Variants in NT5C3A observed in about 807,000 individuals in gnomAD.
NT5C3A encodes cytosolic 5'-nucleotidase 3A.
Under a neutral mutation model 40.0 loss-of-function variants are expected in NT5C3A, and 23 were observed. The ratio of observed to expected loss-of-function variants is 0.58; its 90% CI spans 0.41 to 0.81. The LOEUF is 0.81. Among genes scored for constraint, NT5C3A ranks in the 40% least tolerant of loss-of-function variants. The pLI, the probability that NT5C3A is intolerant of heterozygous loss-of-function variation, is 0.00. For synonymous variants in NT5C3A, 130 were observed against 141.4 expected, an observed-to-expected ratio of 0.92 and a Z score of 0.57; for missense variants, 328 against 403.0, an observed-to-expected ratio of 0.81 and a Z score of 1.59.
chr7:33,047,052 T>C lies in NT5C3A; in HGVS notation c.138+15516A>G, dbSNP rs190635506. On this transcript the variant is annotated intron_variant, in intron 1 of 8. Transcript: ENST00000610140. ...GAACTCCTATGCTCAAGCGATCCTC[T>C]CACCTCAGCCTCCCGAATCTTTTTA... Among the ~76,000 whole-genome samples the C allele has an allele frequency of 1.8e-4, 28 of 151,532 alleles. No individual in the cohort carries two copies. The East Asian group carries it at 5.4e-3, about 29-fold the overall frequency.
chr7:33,028,567 T>C (rs1786074019), intron 1 of NT5C3A, among the ~76,000 whole-genome samples: 1 of 152,240 alleles, frequency 6.6e-6, no homozygotes, highest in Non-Finnish European at 1.5e-5. Context: ...GGGTATGTTA[T>C]TAGTAATATT....
At chr7:33,034,040 G>A (rs1309386747) in intron 1 of NT5C3A, among the ~76,000 whole-genome samples, 9 of 151,334 alleles carry the variant, frequency 5.9e-5, no homozygotes, top group South Asian at 4.2e-4. Context: ...ACAGGTGCCC[G>A]CCACCACGCC....
At chr7:33,018,833 CA>C (rs1229517488) in intron 6 of NT5C3A, among the ~76,000 whole-genome samples, 8 of 123,994 alleles carry the variant, frequency 6.5e-5, no homozygotes, top group Admixed American at 8.4e-5. Flanking sequence ...GACTCCATCT[CA>C]AAAAAAAAAG....
intron 1 of NT5C3A, among the ~76,000 whole-genome samples, chr7:33,051,762 A>C (rs1306363886): frequency 6.6e-6 from 1 of 152,164 alleles, no homozygotes; most frequent in African/African-American, 2.4e-5. Flanking sequence ...GTTTAATTGT[A>C]TCAAAACACA....
chr7:33,055,151 C>G (rs1787521668), intron 1 of NT5C3A, among the ~76,000 whole-genome samples: 1 of 152,096 alleles, frequency 6.6e-6, no homozygotes, highest in Non-Finnish European at 1.5e-5. Flanking sequence ...ATGGAGAAAC[C>G]TCATCTCTCC....
At chr7:33,024,242 A>C (rs1181636111) in intron 2 of NT5C3A, 134 bp from the exon 3 acceptor site, 1 of 675,168 alleles carries the variant, frequency 1.5e-6, no homozygotes, top group Non-Finnish European at 2.7e-6. Flanking sequence ...CCACACTGTT[A>C]ACTTATTCTC....
intron 1 of NT5C3A, 76 bp downstream of exon 1, chr7:33,062,492 G>T: frequency 7.3e-7 from 1 of 1,366,414 alleles, no homozygotes. Flanking sequence ...CAGCGGCCCA[G>T]CACAGGCTGC....
intron 1 of NT5C3A, among the ~76,000 whole-genome samples, chr7:33,057,421 G>A (rs1289525216): frequency 6.6e-6 from 1 of 152,066 alleles, no homozygotes; most frequent in Non-Finnish European, 1.5e-5. Flanking sequence ...TACTCTGAAG[G>A]CGAGATGGGA....
At chr7:33,045,028 A>G (rs1305039336) in intron 1 of NT5C3A, among the ~76,000 whole-genome samples, 1 of 152,264 alleles carries the variant, frequency 6.6e-6, no homozygotes, top group African/African-American at 2.4e-5. Context: ...CTACTAATTT[A>G]CAGTTGGGCT....
At chr7:33,050,831 C>T (rs1364962587) in intron 1 of NT5C3A, among the ~76,000 whole-genome samples, 1 of 152,176 alleles carries the variant, frequency 6.6e-6, no homozygotes, top group African/African-American at 2.4e-5. Flanking sequence ...GTTTAAGCAA[C>T]TCTGAGAGTT....
At chr7:33,058,359 TA>T in intron 1 of NT5C3A, among the ~76,000 whole-genome samples, 1 of 152,114 alleles carries the variant, frequency 6.6e-6, no homozygotes, top group Non-Finnish European at 1.5e-5. Context: ...TATTTTATTT[TA>T]TTTTGAGATG....
intron 5 of NT5C3A, among the ~76,000 whole-genome samples, chr7:33,020,535 AGAGTT>A (rs1487556962): frequency 2.6e-5 from 4 of 152,314 alleles, no homozygotes; most frequent in Non-Finnish European, 4.4e-5. Context: ...ACCAGTTTGT[AGAGTT>A]AAGTCTAATA....
chr7:33,032,115 ACT>A (rs1786299636), intron 1 of NT5C3A, among the ~76,000 whole-genome samples: 1 of 146,410 alleles, frequency 6.8e-6, no homozygotes, highest in Admixed American at 6.9e-5. Context: ...ACAGAGCGAG[ACT>A]CTGTCTCAAA....
intron 1 of NT5C3A, among the ~76,000 whole-genome samples, chr7:33,043,554 G>A (rs552725567): frequency 7.9e-5 from 12 of 152,104 alleles, no homozygotes; most frequent in Non-Finnish European, 7.4e-5. Flanking sequence ...CAGCTTTGTC[G>A]GCTCCAAAAC....
chr7:33,056,637 A>C (rs963085363), intron 1 of NT5C3A, among the ~76,000 whole-genome samples: 1 of 151,844 alleles, frequency 6.6e-6, no homozygotes. Context: ...GCTTCATTGC[A>C]CTCCAGCCTG....
chr7:33,024,934 G>A (rs765981192), intron 2 of NT5C3A, among the ~76,000 whole-genome samples: 3 of 152,102 alleles, frequency 2.0e-5, no homozygotes, highest in African/African-American at 7.2e-5. Context: ...GAGGTCAGGA[G>A]TTTGAGATCA....
chr7:33,031,560 C>G (rs1786258365), intron 1 of NT5C3A, among the ~76,000 whole-genome samples: 1 of 151,846 alleles, frequency 6.6e-6, no homozygotes, highest in Admixed American at 6.6e-5. Context: ...GCACTCCAGC[C>G]TGGGTGACAC....
rs1382876676 is a variant in NT5C3A, at chr7:33,014,261, T to C, written c.*469A>G. 2.2e-6 allele frequency: 1 copy of C among 454,494 alleles called. No homozygotes were observed. 28.2% of individuals were successfully genotyped at this position (454,494 alleles called of 1,614,324 possible). A position where few individuals can be genotyped will look rare whatever the true frequency, so the allele number is the denominator to read the frequency against. On this transcript the variant is annotated 3_prime_UTR_variant, in exon 9 of 9. Transcript: ENST00000610140. The stretch of plus-strand genomic sequence containing the variant: ...CTAGTCTTTTCCAGTAAATATTTTT[T>C]CCCCAGACAAAATAACCAAACCTAA...
chr7:33,029,244 AT>A lies in NT5C3A; in HGVS notation c.139-2330del, dbSNP rs11439369. On this transcript the variant is annotated intron_variant, in intron 1 of 8. Coordinates refer to ENST00000610140, the MANE Select transcript of NT5C3A (RefSeq NM_001002010.5). ...GAAAGGCAGATAGGCACTGGTTCCT[AT>A]TTTTTTTTTTCATACATTAACCCAT... The A allele has an allele frequency of 8.0e-3, 1,234 of 153,858 alleles. 12 individuals are homozygous for A. The highest frequency in any genetic ancestry group is 0.027 in the African/African-American group (1,101 of 40,858). The allele number at this position is 153,858 out of a possible 1,614,324, so 9.5% of individuals were successfully genotyped here.
Sources: allele counts gnomAD v4.1 joint callset (sites outside exome capture counted in the v4.1 genomes callset), GRCh38; gene constraint gnomAD v4.1.1; transcripts MANE v1.5; gene names NCBI Gene and HGNC (gene_info 2026-07-23, HGNC 2026-07-21).